DEPTOR: variants seen among roughly 807,000 people sequenced by gnomAD.
DEPTOR encodes the protein DEP domain containing MTOR interacting protein.
A neutral mutation model predicts 41.6 loss-of-function variants in DEPTOR; 41 were observed. That is an observed-to-expected ratio of 0.98 (90% confidence interval 0.77 to 1.28). The LOEUF is 1.28. DEPTOR is among the 50% of genes most tolerant of loss of function. The probability of loss-of-function intolerance (pLI) is 0.00; values close to 1 mark genes in which losing one functional copy is unlikely to be tolerated. For synonymous variants in DEPTOR, 195 were observed against 192.3 expected (o/e 1.01, Z -0.12); for missense variants, 514 against 527.9 (o/e 0.97, Z 0.26).
intron 1 of DEPTOR, among the ~76,000 whole-genome samples, chr8:119,897,657 G>A (rs1827538386): frequency 6.6e-6 from 1 of 152,214 alleles, no homozygotes; most frequent in Non-Finnish European, 1.5e-5. Flanking sequence ...AGGAATAGAT[G>A]AGGCAATAAT....
In DEPTOR at chr8:119,918,438, C is replaced by CTTTATTTA. The variant is rs796881763; in HGVS notation, c.123-9929_123-9922dup. Among the ~76,000 whole-genome samples the CTTTATTTA allele has an allele frequency of 2.4e-3, 200 of 83,448 alleles. 1 individual carries two copies. Among genetic ancestry groups the CTTTATTTA allele is most frequent in the Non-Finnish European group, 3.0e-3 (104 of 34,946 alleles). The allele number at this position is 83,448 out of a possible 152,430, so 54.7% of individuals were successfully genotyped here. A position where few individuals can be genotyped will look rare whatever the true frequency, so the allele number is the denominator to read the frequency against. ...TAGTGAAACATTTGGCATGGACCAC[C>CTTTATTTA]TTTATTTATTTATTTATTTATTTAT... On this transcript the variant is annotated intron_variant, in intron 1 of 8. Coordinates refer to ENST00000286234, the MANE Select transcript of DEPTOR (RefSeq NM_022783.4).
At chr8:119,992,908 C>A (rs1307313873) in intron 4 of DEPTOR, among the ~76,000 whole-genome samples, 1 of 152,090 alleles carries the variant, frequency 6.6e-6, no homozygotes, top group Admixed American at 6.5e-5. Context: ...CCACCTGCCT[C>A]GGCCTCCCAA....
chr8:119,980,515 C>CTTTTCTTTTCTTTTCTT (rs1828752225), intron 4 of DEPTOR, among the ~76,000 whole-genome samples: 4 of 41,534 alleles, frequency 9.6e-5, no homozygotes, highest in Non-Finnish European at 2.1e-4. Context: ...TTTCTTTTCT[C>CTTTTCTTTTCTTTTCTT]TCTTTGTGTT....
intron 1 of DEPTOR, among the ~76,000 whole-genome samples, chr8:119,908,737 CA>C (rs1827700975): frequency 6.6e-6 from 1 of 152,172 alleles, no homozygotes; most frequent in Non-Finnish European, 1.5e-5. Flanking sequence ...TTTCTTAAAA[CA>C]AAGAAATTGA....
At chr8:120,024,602 G>A (rs2875927) in intron 8 of DEPTOR, among the ~76,000 whole-genome samples, 123,267 of 152,028 alleles carry the variant, frequency 0.81, 50,055 homozygotes, top group African/African-American at 0.82. Context: ...ATGTAAAGAC[G>A]CGAAGGGGAA....
At chr8:120,009,195 C>A in intron 8 of DEPTOR, 62 bp downstream of exon 8, 1 of 1,443,728 alleles carries the variant, frequency 6.9e-7, no homozygotes, top group Non-Finnish European at 9.5e-7. Flanking sequence ...GCTAAATTGG[C>A]CATGATTCTT....
At chr8:120,030,508 T>TTTTTTTTTTTTTTTTTTG in intron 8 of DEPTOR, among the ~76,000 whole-genome samples, 1 of 126,314 alleles carries the variant, frequency 7.9e-6, no homozygotes, top group Non-Finnish European at 1.7e-5. Context: ...TTTTTTTTTT[T>TTTTTTTTTTTTTTTTTTG]TTTTTTTTTT....
intron 1 of DEPTOR, among the ~76,000 whole-genome samples, chr8:119,879,085 G>C (rs1827265098): frequency 6.7e-6 from 1 of 148,980 alleles, no homozygotes; most frequent in Non-Finnish European, 1.5e-5. Flanking sequence ...ACTCCAGCCT[G>C]GGCAACAAGA....
intron 8 of DEPTOR, among the ~76,000 whole-genome samples, chr8:120,043,104 T>C (rs1208562205): frequency 6.6e-6 from 1 of 151,904 alleles, no homozygotes; most frequent in Non-Finnish European, 1.5e-5. Flanking sequence ...TTTTTATTTA[T>C]ATAGGTAATT....
intron 7 of DEPTOR, among the ~76,000 whole-genome samples, chr8:120,007,963 G>T (rs1259271169): frequency 6.6e-6 from 1 of 152,112 alleles, no homozygotes; most frequent in Non-Finnish European, 1.5e-5. Context: ...ATTTATTTTT[G>T]ATTTTTAATT....
chr8:120,027,661 C>T (rs1325195939), intron 8 of DEPTOR, among the ~76,000 whole-genome samples: 4 of 151,156 alleles, frequency 2.6e-5, no homozygotes, highest in African/African-American at 9.7e-5. Context: ...GCCGAGATTG[C>T]ACCACTGCAC....
chr8:120,008,986 C>G, intron 7 of DEPTOR, 43 bp from the exon 8 acceptor site: 2 of 1,591,882 alleles, frequency 1.3e-6, no homozygotes, highest in Non-Finnish European at 1.7e-6. Flanking sequence ...AGCAAATTGC[C>G]GGAGACAGTC....
chr8:119,897,357 A>G (rs7814236), intron 1 of DEPTOR, among the ~76,000 whole-genome samples: 32,871 of 151,938 alleles, frequency 0.22, 4,083 homozygotes, highest in African/African-American at 0.32. Context: ...ACATGGTGAA[A>G]CCCTGTCTCT....
At chr8:119,984,715 G>A (rs1048380078) in intron 4 of DEPTOR, among the ~76,000 whole-genome samples, 12 of 152,154 alleles carry the variant, frequency 7.9e-5, no homozygotes, top group Non-Finnish European at 1.3e-4. Context: ...TGTGAATAGT[G>A]CTGCTATAAA....
chr8:119,950,588 TC>T, intron 3 of DEPTOR, among the ~76,000 whole-genome samples: 1 of 151,892 alleles, frequency 6.6e-6, no homozygotes, highest in Non-Finnish European at 1.5e-5. Flanking sequence ...GCTAATCTTT[TC>T]TTTTCTTCTT....
chr8:119,961,623 G>C (rs894479545), intron 3 of DEPTOR, among the ~76,000 whole-genome samples: 8 of 152,122 alleles, frequency 5.3e-5, no homozygotes, highest in African/African-American at 1.9e-4. Flanking sequence ...TAGGTATAGA[G>C]TGAGTGTTTG....
chr8:119,910,185 A>G (rs1827719272), intron 1 of DEPTOR, among the ~76,000 whole-genome samples: 1 of 152,188 alleles, frequency 6.6e-6, no homozygotes, highest in Non-Finnish European at 1.5e-5. Context: ...TGAAAATTTG[A>G]CTCTAAGTAT....
chr8:119,903,515 C>T (rs540286416), intron 1 of DEPTOR, among the ~76,000 whole-genome samples: 14 of 152,152 alleles, frequency 9.2e-5, no homozygotes, highest in Non-Finnish European at 1.9e-4. Context: ...ATGTCATCAA[C>T]ATAGTGAAGT....
chr8:119,995,026 A>ATT (rs1812238756), intron 4 of DEPTOR, among the ~76,000 whole-genome samples: 1 of 152,148 alleles, frequency 6.6e-6, no homozygotes, highest in Non-Finnish European at 1.5e-5. Context: ...GGCAGAAAAG[A>ATT]TAGAGGAAAT....
Sources: gnomAD v4.1 joint callset for allele counts (sites outside exome capture counted in the v4.1 genomes callset) on GRCh38, gnomAD v4.1.1 for gene constraint, MANE v1.5 for transcripts, NCBI Gene and HGNC (gene_info 2026-07-23, HGNC 2026-07-21) for gene names.